The following CLEC16A variants were observed in gnomAD, a reference collection of about 807,000 sequenced individuals.
The protein encoded by CLEC16A is C-type lectin domain containing 16A, also known as protein CLEC16A.
In CLEC16A, 51 loss-of-function variants were observed where a neutral mutation model predicts 109.5. That is an observed-to-expected ratio of 0.47 (90% CI 0.37 to 0.59). The LOEUF (loss-of-function observed/expected upper bound fraction) is 0.59, where lower values mean the gene tolerates loss of function less well. CLEC16A is among the 20% of genes least tolerant of loss of function. The pLI is 0.00. For synonymous variants in CLEC16A, 673 were observed against 564.2 expected (o/e 1.19, Z -2.73); for missense variants, 1,339 against 1,394.0 (o/e 0.96, Z 0.63).
At chr16:11,163,262 A>G (rs27836) in intron 22 of CLEC16A, among the ~76,000 whole-genome samples, 106,086 of 152,018 alleles carry the variant, frequency 0.7, 38,216 homozygotes, top group African/African-American at 0.87. Flanking sequence ...TTGGGGAAAA[A>G]CCCCTTGAAA....
intron 19 of CLEC16A, among the ~76,000 whole-genome samples, chr16:11,114,409 C>T (rs549700941): frequency 2.6e-5 from 4 of 152,082 alleles, no homozygotes; most frequent in Non-Finnish European, 5.9e-5. Flanking sequence ...CAGGCAGTCT[C>T]ATGTCACCTG....
intron 13 of CLEC16A, among the ~76,000 whole-genome samples, chr16:11,032,644 G>C (rs2046809874): frequency 6.6e-6 from 1 of 152,228 alleles, no homozygotes; most frequent in African/African-American, 2.4e-5. Context: ...TGCTAGTCAG[G>C]GTGGTCGGGG....
At chr16:10,981,261 C>T (rs2043307175) in intron 9 of CLEC16A, among the ~76,000 whole-genome samples, 1 of 152,154 alleles carries the variant, frequency 6.6e-6, no homozygotes, top group Non-Finnish European at 1.5e-5. Flanking sequence ...GAATGAATGA[C>T]CACAGTGATT....
At chr16:11,016,717 T>C (rs1305651535) in intron 11 of CLEC16A, among the ~76,000 whole-genome samples, 1 of 152,182 alleles carries the variant, frequency 6.6e-6, no homozygotes, top group Non-Finnish European at 1.5e-5. Context: ...ACTCACTTGT[T>C]TTTTTCCCAA....
intron 7 of CLEC16A, among the ~76,000 whole-genome samples, chr16:10,974,684 T>A: frequency 6.6e-6 from 1 of 152,198 alleles, no homozygotes; most frequent in East Asian, 1.9e-4. Flanking sequence ...GGGGTCAGGA[T>A]GCTAAAGGGA....
intron 19 of CLEC16A, among the ~76,000 whole-genome samples, chr16:11,104,109 G>A (rs1322551516): frequency 1.3e-5 from 2 of 152,054 alleles, no homozygotes; most frequent in Non-Finnish European, 2.9e-5. Flanking sequence ...GGTGAGTTTT[G>A]TTTTGGGGGG....
chr16:11,139,121 C>T (rs1195292730), intron 22 of CLEC16A, among the ~76,000 whole-genome samples: 1 of 152,138 alleles, frequency 6.6e-6, no homozygotes, highest in Non-Finnish European at 1.5e-5. Flanking sequence ...CCCAACAGTC[C>T]TTGTGTGTCT....
In CLEC16A at chr16:10,971,183, G is replaced by A. The variant is rs1437827806; in HGVS notation, c.551G>A (p.Ser184Asn). Residue 184 changes from serine to asparagine, a missense_variant, in exon 5 of 24, where the codon AGC becomes AAC. Physicochemically the swap from Ser to Asn is conservative, Grantham distance 46. Around this residue, in one of 3 missense-constraint regions of CLEC16A, gnomAD observed 161 missense variants for 267.1 expected, o/e 0.60. Transcript: ENST00000409790. ...ATCAAGTTTTTCAACCACCCTGAAA[G>A]CATGGTTAGAATTGCTGTAAGAACC... ...EAIKFFNHPE[S>N]MVRIAVRTIT... 1.2e-6 allele frequency: 2 copies of A among 1,613,764 alleles called. No homozygotes were observed. Among genetic ancestry groups the A allele is most frequent in the Admixed American group, 1.7e-5 (1 of 60,020 alleles).
intron 7 of CLEC16A, among the ~76,000 whole-genome samples, chr16:10,976,207 C>G (rs2043023650): frequency 6.6e-6 from 1 of 152,050 alleles, no homozygotes; most frequent in Admixed American, 6.6e-5. Context: ...GAGGTTGAGG[C>G]TGTAATGAGC....
At chr16:11,112,662 AATACATAC>A (rs376800312) in intron 19 of CLEC16A, among the ~76,000 whole-genome samples, 4 of 151,990 alleles carry the variant, frequency 2.6e-5, no homozygotes, top group African/African-American at 9.7e-5. Flanking sequence ...TATCTCAGTC[AATACATAC>A]ATACATACAT....
In CLEC16A at chr16:11,039,764, T is replaced by G. The variant is rs754548699; in HGVS notation, c.1548T>G (p.Pro516=). Residue 516 remains proline (P), a synonymous_variant, in exon 14 of 24, where the codon CCT becomes CCG. Transcript: ENST00000409790. ...YAMSHNKGMD[P]EKLERIQLPV... ...TCTCCTCTGTTCCAGGCATGGATCC[T>G]GAAAAATTAGAGCGAATCCAGCTCC... 16 of 1,600,380 alleles carry G rather than the reference T, an allele frequency of 1.0e-5. No individual in the cohort carries two copies. The South Asian group carries it at 1.2e-4, about 12-fold the overall frequency.
chr16:11,015,345 G>C (rs1369403314), intron 11 of CLEC16A, among the ~76,000 whole-genome samples: 1 of 152,060 alleles, frequency 6.6e-6, no homozygotes, highest in Non-Finnish European at 1.5e-5. Flanking sequence ...GGGTGAGGAA[G>C]GGGGAGCGGT....
chr16:10,979,207 G>C, intron 8 of CLEC16A, 122 bp from the exon 9 acceptor site: 1 of 795,384 alleles, frequency 1.3e-6, no homozygotes, highest in Non-Finnish European at 2.0e-6. Context: ...CCCTAGGGCC[G>C]TGGAGGAAGT....
chr16:11,103,234 G>A (rs1228060794), intron 19 of CLEC16A, among the ~76,000 whole-genome samples: 5 of 152,194 alleles, frequency 3.3e-5, no homozygotes, highest in Non-Finnish European at 7.3e-5. Flanking sequence ...CAGTGGCGCT[G>A]CTCTCCACCT....
chr16:10,977,384 G>A lies in CLEC16A; in HGVS notation c.888G>A (p.Leu296=). Residue 296 remains leucine (L), a synonymous_variant, in exon 8 of 24, where the codon CTG becomes CTA. Transcript: ENST00000409790. ...TCCTGCCCCTCTACGTGTACTCACT[G>A]GAGAACCAGGACAAGGTGGGTCCAG... ...RLFLPLYVYS[L]ENQDKGGERP... 1 of 1,613,442 alleles carries A rather than the reference G, an allele frequency of 6.2e-7. No homozygotes were observed.
intron 12 of CLEC16A, among the ~76,000 whole-genome samples, chr16:11,023,955 T>G (rs1445895797): frequency 6.6e-6 from 1 of 152,198 alleles, no homozygotes; most frequent in Non-Finnish European, 1.5e-5. Context: ...TGTGAGGCCC[T>G]TCACCTGGAA....
chr16:10,991,662 T>G (rs534967874), intron 10 of CLEC16A, among the ~76,000 whole-genome samples: 1 of 152,224 alleles, frequency 6.6e-6, no homozygotes, highest in Admixed American at 6.5e-5. Context: ...TCTAGCATGG[T>G]TCCTGCAGTC....
At chr16:11,169,256 C>T (rs2068403198) in intron 23 of CLEC16A, among the ~76,000 whole-genome samples, 1 of 152,170 alleles carries the variant, frequency 6.6e-6, no homozygotes, top group South Asian at 2.1e-4. Flanking sequence ...TAGGAAACCC[C>T]AGTGGCTTCT....
At chr16:11,099,946 T>C (rs1028553071) in intron 19 of CLEC16A, among the ~76,000 whole-genome samples, 1 of 152,150 alleles carries the variant, frequency 6.6e-6, no homozygotes, top group Non-Finnish European at 1.5e-5. Flanking sequence ...ATTGTGATTC[T>C]TACCTATCTA....
Sources: allele counts gnomAD v4.1 joint callset (sites outside exome capture counted in the v4.1 genomes callset), GRCh38; gene constraint gnomAD v4.1.1; regional missense constraint gnomAD v4.1.1; transcripts MANE v1.5; gene names NCBI Gene and HGNC (gene_info 2026-07-23, HGNC 2026-07-21).